Variants in SDCCAG8 observed in about 807,000 individuals in gnomAD.
SDCCAG8 encodes the protein serologically defined colon cancer antigen 8.
A neutral mutation model predicts 101.8 loss-of-function variants in SDCCAG8; 74 were observed. The ratio of observed to expected loss-of-function variants is 0.73; its 90% confidence interval spans 0.60 to 0.88. The LOEUF (loss-of-function observed/expected upper bound fraction) is 0.88. SDCCAG8 is among the 40% of genes least tolerant of loss of function. The pLI, the probability that SDCCAG8 is intolerant of heterozygous loss-of-function variation, is 0.00. For synonymous variants in SDCCAG8, 281 were observed against 292.9 expected (o/e 0.96, Z 0.41); for missense variants, 787 against 822.6 (o/e 0.96, Z 0.53).
chr1:243,439,946 T>C (rs966485839), intron 16 of SDCCAG8, among the ~76,000 whole-genome samples: 6 of 152,188 alleles, frequency 3.9e-5, no homozygotes, highest in Non-Finnish European at 7.3e-5. Flanking sequence ...GGCTAATGTG[T>C]CTTAGAAAGC....
At chr1:243,376,488 A>C (rs1432213407) in intron 12 of SDCCAG8, among the ~76,000 whole-genome samples, 2 of 152,200 alleles carry the variant, frequency 1.3e-5, no homozygotes, top group Non-Finnish European at 2.9e-5. Flanking sequence ...CATGAGGAAA[A>C]GAAAGCAGCT....
intron 16 of SDCCAG8, among the ~76,000 whole-genome samples, chr1:243,430,560 T>G (rs2081664699): frequency 6.6e-6 from 1 of 152,082 alleles, no homozygotes; most frequent in Non-Finnish European, 1.5e-5. Context: ...TTCTCCTGCC[T>G]CCCGAGTAGC....
At position 243,499,815 on chromosome 1, in the gene SDCCAG8, T is replaced by A; in HGVS notation, c.*30T>A. 6.2e-7 allele frequency: 1 copy of A among 1,605,394 alleles called. No homozygotes were observed. Among genetic ancestry groups the A allele is most frequent in the East Asian group, 2.2e-5 (1 of 44,824 alleles). Reference sequence around the variant, plus strand: ...GATGGAACAGAGTGAAATAAATGATTTACAAAGAGATATTTACATTCATCT... The same window carrying A: ...GATGGAACAGAGTGAAATAAATGATATACAAAGAGATATTTACATTCATCT... On this transcript the variant is annotated 3_prime_UTR_variant, in exon 18 of 18. Coordinates refer to ENST00000366541, the MANE Select transcript of SDCCAG8 (RefSeq NM_006642.5).
intron 12 of SDCCAG8, among the ~76,000 whole-genome samples, chr1:243,361,255 T>C (rs967769092): frequency 6.6e-6 from 1 of 152,218 alleles, no homozygotes; most frequent in Admixed American, 6.5e-5. Context: ...GCTGAAATCA[T>C]CTGTGTGAGA....
chr1:243,421,994 G>A (rs2081043345), intron 15 of SDCCAG8, among the ~76,000 whole-genome samples: 1 of 152,172 alleles, frequency 6.6e-6, no homozygotes, highest in African/African-American at 2.4e-5. Flanking sequence ...CCTGGCCTGG[G>A]AGAGCTGGAA....
chr1:243,320,962 A>T (rs2073708816), intron 9 of SDCCAG8, among the ~76,000 whole-genome samples: 1 of 152,084 alleles, frequency 6.6e-6, no homozygotes, highest in Non-Finnish European at 1.5e-5. Context: ...TCTAGATTCG[A>T]TGTACCCTTT....
At chr1:243,306,186 G>C (rs187573743) in intron 7 of SDCCAG8, 1 of 151,172 alleles carries the variant, frequency 6.6e-6, no homozygotes, top group African/African-American at 2.4e-5. Flanking sequence ...AGATTACCCT[G>C]ATTAGTTTTA....
chr1:243,256,117 G>A lies in SDCCAG8; in HGVS notation c.-57G>A, dbSNP rs928921594. On this transcript the variant is annotated 5_prime_UTR_variant, in exon 1 of 18. Transcript: ENST00000366541. Reference sequence around the variant, plus strand: ...GGCCACAGGCCTGTTGTTCTCGGAAGGGAGAAAGCTGGACATTTCCCCACG... The same window carrying A: ...GGCCACAGGCCTGTTGTTCTCGGAAAGGAGAAAGCTGGACATTTCCCCACG... The A allele has an allele frequency of 5.3e-6, 8 of 1,523,616 alleles. No individual in the cohort carries two copies. The African/African-American group carries it at 6.8e-5, about 13-fold the overall frequency. 94.4% of individuals were successfully genotyped at this position (1,523,616 alleles called of 1,614,324 possible). A position where few individuals can be genotyped will look rare whatever the true frequency, so the allele number is the denominator to read the frequency against.
intron 16 of SDCCAG8, among the ~76,000 whole-genome samples, chr1:243,476,999 TACACACACACACAC>T (rs531152514): frequency 9.8e-6 from 1 of 102,206 alleles, no homozygotes; most frequent in Non-Finnish European, 2.1e-5. Context: ...ACTGGTTCTG[TACACACACACACAC>T]ACACACACAC....
chr1:243,412,669 T>TA (rs1485938570), intron 13 of SDCCAG8, among the ~76,000 whole-genome samples: 5 of 152,068 alleles, frequency 3.3e-5, no homozygotes, highest in African/African-American at 4.8e-5. Flanking sequence ...CCAAGACGAT[T>TA]CTCCCAGTGT....
intron 10 of SDCCAG8, among the ~76,000 whole-genome samples, chr1:243,336,470 G>GT (rs1427849695): frequency 1.7e-4 from 26 of 152,342 alleles, no homozygotes; most frequent in Non-Finnish European, 2.9e-5. Flanking sequence ...TCTGCAGGCT[G>GT]AACGGGAAGA....
chr1:243,410,613 A>T (rs574298564), intron 13 of SDCCAG8, among the ~76,000 whole-genome samples: 13 of 152,252 alleles, frequency 8.5e-5, no homozygotes, highest in South Asian at 4.2e-4. Context: ...CCCCACAACT[A>T]CCAGGTCCTT....
At chr1:243,384,973 C>T (rs1279398338) in intron 13 of SDCCAG8, among the ~76,000 whole-genome samples, 2 of 152,128 alleles carry the variant, frequency 1.3e-5, no homozygotes, top group African/African-American at 2.4e-5. Flanking sequence ...ATTTATTCAC[C>T]CGTTCTACAT....
In SDCCAG8 at chr1:243,428,840, C is replaced by T. The variant is rs77730075; in HGVS notation, c.1985+2282C>T. 9.2e-3 allele frequency among the ~76,000 whole-genome samples: 1,400 copies of T among 152,312 alleles called. 15 individuals carry two copies. Among genetic ancestry groups the T allele is most frequent in the African/African-American group, 0.028 (1,163 of 41,550 alleles). ...ACTACCGTGATAATTTTGTAACCACCTCCTGTTGCTATTGCGAGGAGCTCA... is the reference window on the plus strand; with the variant it reads ...ACTACCGTGATAATTTTGTAACCACTTCCTGTTGCTATTGCGAGGAGCTCA... On this transcript the variant is annotated intron_variant, in intron 16 of 17. Coordinates refer to ENST00000366541, the MANE Select transcript of SDCCAG8 (RefSeq NM_006642.5).
chr1:243,347,806 T>C (rs2147802953), intron 12 of SDCCAG8, among the ~76,000 whole-genome samples: 1 of 152,302 alleles, frequency 6.6e-6, no homozygotes, highest in African/African-American at 2.4e-5. Flanking sequence ...AGTTTTTTTG[T>C]CAACTTCCCT....
intron 4 of SDCCAG8, among the ~76,000 whole-genome samples, chr1:243,280,162 T>C (rs1001890487): frequency 1.3e-5 from 2 of 152,184 alleles, no homozygotes; most frequent in African/African-American, 4.8e-5. Flanking sequence ...GTGCATTTCA[T>C]CTAGGTGACT....
intron 12 of SDCCAG8, among the ~76,000 whole-genome samples, chr1:243,375,007 G>A (rs1199326974): frequency 6.6e-6 from 1 of 151,988 alleles, no homozygotes; most frequent in African/African-American, 2.4e-5. Context: ...TGATACATAA[G>A]AAAATTAATT....
intron 12 of SDCCAG8, among the ~76,000 whole-genome samples, chr1:243,369,271 G>A (rs897370130): frequency 2.0e-5 from 3 of 152,112 alleles, no homozygotes; most frequent in African/African-American, 7.2e-5. Context: ...CAATGTTTGT[G>A]CTTTGTATGA....
chr1:243,448,224 C>A (rs942724394), intron 16 of SDCCAG8, among the ~76,000 whole-genome samples: 3 of 152,144 alleles, frequency 2.0e-5, no homozygotes, highest in African/African-American at 7.2e-5. Context: ...AGAAACAGGT[C>A]CTCCAGGGCT....
Sources: allele counts gnomAD v4.1 joint callset (sites outside exome capture counted in the v4.1 genomes callset), GRCh38; gene constraint gnomAD v4.1.1; transcripts MANE v1.5; gene names NCBI Gene and HGNC (gene_info 2026-07-23, HGNC 2026-07-21).